The following ADAMTSL1 variants were observed in gnomAD, a reference collection of about 807,000 sequenced individuals.
ADAMTSL1 encodes ADAMTS-like protein 1.
Under a neutral mutation model 201.8 loss-of-function variants are expected in ADAMTSL1, and 126 were observed. The ratio of observed to expected loss-of-function variants is 0.62; its 90% CI spans 0.54 to 0.72. ADAMTSL1 has a LOEUF of 0.72. ADAMTSL1 is among the 30% of genes least tolerant of loss of function. ADAMTSL1 has a pLI of 0.00. For missense variants in ADAMTSL1, 2,679 were observed against 2,277.8 expected (o/e 1.18, Z -3.59); for synonymous variants, 1,121 against 903.4 (o/e 1.24, Z -4.32).
At chr9:18,179,460 T>A (rs1264092617) in intron 2 of ADAMTSL1, among the ~76,000 whole-genome samples, 2 of 152,098 alleles carry the variant, frequency 1.3e-5, no homozygotes, top group African/African-American at 4.8e-5. Flanking sequence ...CTGCAGGATA[T>A]TATCCAGGAG....
chr9:18,789,540 T>C (rs1821903261), intron 19 of ADAMTSL1, among the ~76,000 whole-genome samples: 1 of 152,230 alleles, frequency 6.6e-6, no homozygotes, highest in Non-Finnish European at 1.5e-5. Context: ...GTATTTATTA[T>C]GTATTTATTT....
chr9:18,528,697 A>G (rs1399802350), intron 2 of ADAMTSL1, among the ~76,000 whole-genome samples: 1 of 152,162 alleles, frequency 6.6e-6, no homozygotes, highest in Non-Finnish European at 1.5e-5. Context: ...TTATATTAAA[A>G]TATATTCTAA....
chr9:18,691,752 C>T (rs1405345628), intron 13 of ADAMTSL1, among the ~76,000 whole-genome samples: 1 of 152,174 alleles, frequency 6.6e-6, no homozygotes, highest in African/African-American at 2.4e-5. Flanking sequence ...TTGGGAAAGT[C>T]ATTTAACCCC....
chr9:18,350,703 C>T (rs1007349999), intron 2 of ADAMTSL1, among the ~76,000 whole-genome samples: 2 of 152,110 alleles, frequency 1.3e-5, no homozygotes, highest in African/African-American at 4.8e-5. Context: ...CTGGAATTTC[C>T]ACTTTTCCTT....
chr9:18,105,532 G>A (rs1420597865), intron 1 of ADAMTSL1, among the ~76,000 whole-genome samples: 2 of 152,030 alleles, frequency 1.3e-5, no homozygotes, highest in Non-Finnish European at 2.9e-5. Flanking sequence ...CTTAATTTCT[G>A]GAGTGTTTTG....
At chr9:18,627,923 C>T (rs1394942483) in intron 5 of ADAMTSL1, among the ~76,000 whole-genome samples, 1 of 152,152 alleles carries the variant, frequency 6.6e-6, no homozygotes, top group African/African-American at 2.4e-5. Flanking sequence ...AAGTCTGTTG[C>T]TCATTTTTAA....
intron 2 of ADAMTSL1, among the ~76,000 whole-genome samples, chr9:18,396,037 G>C (rs1330229906): frequency 1.3e-5 from 2 of 152,192 alleles, no homozygotes; most frequent in Non-Finnish European, 1.5e-5. Context: ...GATGCTGAGA[G>C]TTCTTGGGGC....
At chr9:18,658,114 G>A (rs943022466) in intron 8 of ADAMTSL1, among the ~76,000 whole-genome samples, 16 of 151,916 alleles carry the variant, frequency 1.1e-4, no homozygotes, top group South Asian at 6.2e-4. Flanking sequence ...AGCTGGGACT[G>A]CAGGCGCCCG....
chr9:18,459,222 C>A (rs951969788), intron 2 of ADAMTSL1, among the ~76,000 whole-genome samples: 1 of 152,100 alleles, frequency 6.6e-6, no homozygotes, highest in Non-Finnish European at 1.5e-5. Flanking sequence ...TCTCAAGCAG[C>A]TTATGTTATA....
chr9:18,748,874 A>G (rs1819293527), intron 15 of ADAMTSL1, among the ~76,000 whole-genome samples: 1 of 152,232 alleles, frequency 6.6e-6, no homozygotes. Context: ...AATCAAGTTC[A>G]AAATCAAGGT....
Position 17,911,809 on chromosome 9 carries a change from A to T in ADAMTSL1, c.87+4887A>T, listed in dbSNP as rs1825905085. Among the ~76,000 whole-genome samples the T allele has an allele frequency of 3.3e-5, 2 of 60,690 alleles. 1 individual carries two copies. Among genetic ancestry groups the T allele is most frequent in the Non-Finnish European group, 1.0e-4 (2 of 19,820 alleles). 39.8% of individuals were successfully genotyped at this position (60,690 alleles called of 152,430 possible). On this transcript the variant is annotated intron_variant, in intron 1 of 29. Coordinates refer to the ADAMTSL1 transcript ENST00000680146. ...ATTAACTCGTTATTTAGCATTAGGT[A>T]TATCTCCTAATGCTATCCCTTCCCC...
chr9:18,611,470 A>G (rs1450357283), intron 4 of ADAMTSL1, among the ~76,000 whole-genome samples: 1 of 152,192 alleles, frequency 6.6e-6, no homozygotes, highest in Non-Finnish European at 1.5e-5. Context: ...AGACTACTAA[A>G]GAAACAAATT....
At chr9:17,944,344 G>A (rs62550006) in intron 1 of ADAMTSL1, among the ~76,000 whole-genome samples, 7,354 of 152,198 alleles carry the variant, frequency 0.048, 259 homozygotes, top group Non-Finnish European at 0.077. Context: ...AACATTCCAT[G>A]CTCATGGGTA....
At chr9:18,058,103 G>A (rs966590685) in intron 1 of ADAMTSL1, among the ~76,000 whole-genome samples, 1 of 152,140 alleles carries the variant, frequency 6.6e-6, no homozygotes. Flanking sequence ...GTAAAGGAGT[G>A]GATAGATGGA....
intron 16 of ADAMTSL1, among the ~76,000 whole-genome samples, chr9:18,756,006 G>A (rs1451157477): frequency 1.4e-5 from 2 of 147,746 alleles, no homozygotes; most frequent in African/African-American, 5.0e-5. Context: ...ACCCTCCAGA[G>A]ACAGCCCTGT....
At chr9:17,996,391 A>G (rs1272931180) in intron 1 of ADAMTSL1, among the ~76,000 whole-genome samples, 1 of 152,084 alleles carries the variant, frequency 6.6e-6, no homozygotes, top group Non-Finnish European at 1.5e-5. Flanking sequence ...AGACCTTTTC[A>G]GTATAAGGTG....
At chr9:18,126,283 A>T (rs897622043) in intron 1 of ADAMTSL1, among the ~76,000 whole-genome samples, 1 of 152,216 alleles carries the variant, frequency 6.6e-6, no homozygotes, top group Non-Finnish European at 1.5e-5. Flanking sequence ...CATCCAGATC[A>T]AGTATCCCAG....
chr9:18,770,792 T>C lies in ADAMTSL1; in HGVS notation c.2397+11T>C, dbSNP rs374735082. ...TCAGACTGGACAGAGGTATGTATGT[T>C]CCTCCGAAGAGAATGAAAGAGATCC... On this transcript the variant is annotated intron_variant, in intron 17 of 28. Coordinates refer to ENST00000380548, the MANE Select transcript of ADAMTSL1 (RefSeq NM_001040272.6). 16 of 1,611,488 alleles carry C rather than the reference T, an allele frequency of 9.9e-6. 1 individual carries two copies. In the African/African-American group the frequency reaches 1.9e-4, roughly 19 times the overall value.
At chr9:18,178,772 C>T (rs955540212) in intron 2 of ADAMTSL1, among the ~76,000 whole-genome samples, 4 of 152,200 alleles carry the variant, frequency 2.6e-5, no homozygotes, top group African/African-American at 9.6e-5. Context: ...GGCAGACTGA[C>T]ACCTCACATG....
Sources: gnomAD v4.1 joint callset for allele counts (sites outside exome capture counted in the v4.1 genomes callset) on GRCh38, gnomAD v4.1.1 for gene constraint, MANE v1.5 for transcripts, NCBI Gene and HGNC (gene_info 2026-07-23, HGNC 2026-07-21) for gene names.